The following FBN2 variants were observed in gnomAD, a reference collection of about 807,000 sequenced individuals.
FBN2 encodes fibrillin 2.
A neutral mutation model predicts 355.6 loss-of-function variants in FBN2; 105 were observed. That is an observed-to-expected ratio of 0.30 (90% CI 0.25 to 0.35). The LOEUF is 0.35. Ranked by LOEUF, FBN2 falls within the 10% of genes least tolerant of loss-of-function variation. The pLI, the probability that FBN2 is intolerant of heterozygous loss-of-function variation, is 1.00. For synonymous variants in FBN2, 1,350 were observed against 1,301.2 expected, an observed-to-expected ratio of 1.04 and a Z score of -0.81; for missense variants, 3,280 against 3,758.7, an observed-to-expected ratio of 0.87 and a Z score of 3.33.
intron 27 of FBN2, 112 bp from the exon 28 acceptor site, chr5:128,336,225 G>T: frequency 9.8e-7 from 1 of 1,017,784 alleles, no homozygotes; most frequent in Non-Finnish European, 1.5e-6. Context: ...ACTTCACGAG[G>T]AAGTAAAATG....
Position 128,289,143 on chromosome 5 carries a change from A to G in FBN2, c.6621T>C (p.Thr2207=), listed in dbSNP as rs1190118426. The G allele has an allele frequency of 5.0e-6, 8 of 1,613,798 alleles. No individual in the cohort carries two copies. The highest frequency in any genetic ancestry group is 2.7e-5 in the African/African-American group (2 of 74,946). Residue 2207 remains threonine, a synonymous_variant, in exon 52 of 65, where the codon ACT becomes ACC. Coordinates refer to ENST00000262464, the MANE Select transcript of FBN2 (RefSeq NM_001999.4). ...AACACTCACCCACACAGCGTACTCC[A>G]GTGTAGTCAAGGTTGTAGCCCATTG... ...ECPMGYNLDY[T]GVRCVDTDEC... is the part of the protein sequence containing the mutation.
chr5:128,426,481 T>A (rs1004010366), intron 7 of FBN2, among the ~76,000 whole-genome samples: 1 of 152,208 alleles, frequency 6.6e-6, no homozygotes, highest in South Asian at 2.1e-4. Flanking sequence ...TTGAAACTGC[T>A]AGAGTGCAAG....
chr5:128,266,443 C>T (rs1024508302), intron 62 of FBN2, among the ~76,000 whole-genome samples: 5 of 152,180 alleles, frequency 3.3e-5, no homozygotes, highest in Non-Finnish European at 5.9e-5. Flanking sequence ...GACTCCATTG[C>T]GAGCTCCTTT....
intron 32 of FBN2, among the ~76,000 whole-genome samples, chr5:128,332,674 C>T (rs556311568): frequency 5.9e-5 from 9 of 152,124 alleles, no homozygotes; most frequent in Non-Finnish European, 1.3e-4. Context: ...TCACCAGCTG[C>T]ATATCAATTT....
intron 51 of FBN2, 123 bp downstream of exon 51, chr5:128,289,759 T>C (rs1197280258): frequency 3.0e-6 from 2 of 666,028 alleles, no homozygotes; most frequent in Admixed American, 2.6e-5. Context: ...AAGGGTTATA[T>C]ACATCCATTA....
chr5:128,261,690 C>T, intron 64 of FBN2, 46 bp downstream of exon 64: 3 of 1,588,114 alleles, frequency 1.9e-6, no homozygotes, highest in Non-Finnish European at 2.6e-6. Context: ...ATACATGACT[C>T]CGTAGGGATA....
At chr5:128,266,796 A>G (rs1765123256) in intron 62 of FBN2, among the ~76,000 whole-genome samples, 1 of 151,536 alleles carries the variant, frequency 6.6e-6, no homozygotes, top group African/African-American at 2.4e-5. Context: ...TTCATATTTT[A>G]TAAATATTGT....
At chr5:128,368,451 TATAC>T (rs1483443266) in intron 16 of FBN2, among the ~76,000 whole-genome samples, 7,078 of 141,626 alleles carry the variant, frequency 0.05, 306 homozygotes, top group African/African-American at 0.068. Flanking sequence ...TATACATATA[TATAC>T]ACATATATAT....
At chr5:128,480,063 A>G (rs1325538314) in intron 5 of FBN2, among the ~76,000 whole-genome samples, 5 of 136,962 alleles carry the variant, frequency 3.7e-5, no homozygotes, top group African/African-American at 1.3e-4. Flanking sequence ...ATGTATATAT[A>G]ATATATATAT....
At chr5:128,343,133 AG>A (rs1299034209) in intron 25 of FBN2, among the ~76,000 whole-genome samples, 6 of 152,164 alleles carry the variant, frequency 3.9e-5, no homozygotes, top group Admixed American at 3.9e-4. Context: ...GGTGGAGGGT[AG>A]AGGAGAGGGC....
At chr5:128,319,026 C>A in intron 34 of FBN2, 25 bp from the exon 35 acceptor site, 1 of 1,565,368 alleles carries the variant, frequency 6.4e-7, no homozygotes, top group Non-Finnish European at 8.8e-7. Flanking sequence ...AAAAAGTAAT[C>A]TCTTATTTAA....
chr5:128,448,225 C>G (rs1754126386), intron 6 of FBN2, among the ~76,000 whole-genome samples: 1 of 151,808 alleles, frequency 6.6e-6, no homozygotes, highest in African/African-American at 2.4e-5. Flanking sequence ...TAGCAGTCTA[C>G]ACACCTCTAC....
At chr5:128,332,269 T>C (rs1241128361) in intron 32 of FBN2, among the ~76,000 whole-genome samples, 1 of 152,164 alleles carries the variant, frequency 6.6e-6, no homozygotes, top group Non-Finnish European at 1.5e-5. Context: ...TTCTTACTAG[T>C]TGGAAAAATG....
intron 7 of FBN2, among the ~76,000 whole-genome samples, chr5:128,437,266 C>CT (rs1394498596): frequency 1.3e-5 from 2 of 152,106 alleles, no homozygotes; most frequent in African/African-American, 4.8e-5. Flanking sequence ...GACAAACACG[C>CT]TATGGTATAG....
chr5:128,454,669 T>C (rs1754337525), intron 6 of FBN2, among the ~76,000 whole-genome samples: 1 of 152,224 alleles, frequency 6.6e-6, no homozygotes, highest in Non-Finnish European at 1.5e-5. Flanking sequence ...GCAGTCAGAC[T>C]AAAGAAATTA....
In FBN2 at chr5:128,472,205, T is replaced by C. The variant is rs563073611; in HGVS notation, c.629-7284A>G. 2.6e-5 allele frequency among the ~76,000 whole-genome samples: 4 copies of C among 152,288 alleles called. No individual in the cohort carries two copies. The South Asian group carries it at 8.3e-4, about 32-fold the overall frequency. ...TAGAAAGGAAGAAAATTCTGACACA[T>C]GTTGCAACATGGATGAACTTTGTGC... On this transcript the variant is annotated intron_variant, in intron 5 of 64. Coordinates refer to ENST00000262464, the MANE Select transcript of FBN2 (RefSeq NM_001999.4).
At chr5:128,409,855 T>C (rs911721506) in intron 7 of FBN2, among the ~76,000 whole-genome samples, 20 of 152,202 alleles carry the variant, frequency 1.3e-4, no homozygotes, top group Admixed American at 8.5e-4. Flanking sequence ...TATATTCCTA[T>C]TATAAACACA....
At chr5:128,264,783 T>C (rs1383432013) in intron 62 of FBN2, among the ~76,000 whole-genome samples, 1 of 152,202 alleles carries the variant, frequency 6.6e-6, no homozygotes, top group African/African-American at 2.4e-5. Flanking sequence ...CAAGTGGGTG[T>C]GCACAGAGGA....
chr5:128,312,832 T>C (rs766415839), intron 36 of FBN2, 37 bp from the exon 37 acceptor site: 15 of 1,610,278 alleles, frequency 9.3e-6, no homozygotes, highest in Non-Finnish European at 1.2e-5. Flanking sequence ...TTGCCCTTGC[T>C]TACATAGTAA....
Sources: gnomAD v4.1 joint callset for allele counts (sites outside exome capture counted in the v4.1 genomes callset) on GRCh38, gnomAD v4.1.1 for gene constraint, MANE v1.5 for transcripts, NCBI Gene and HGNC (gene_info 2026-07-23, HGNC 2026-07-21) for gene names.